GARNL3: variants seen among roughly 807,000 people sequenced by gnomAD.
The protein encoded by GARNL3 is GTPase activating Rap/RanGAP domain like 3, also known as GTPase-activating Rap/Ran-GAP domain-like protein 3.
GARNL3 carries 63 observed loss-of-function variants against 125.0 expected under a neutral mutation model. That is an observed-to-expected ratio of 0.50 (90% CI 0.41 to 0.62). The LOEUF (loss-of-function observed/expected upper bound fraction) is 0.62. Ranked by LOEUF, GARNL3 falls within the 20% of genes least tolerant of loss-of-function variation. The probability of loss-of-function intolerance (pLI) is 0.00; values close to 1 mark genes in which losing one functional copy is unlikely to be tolerated. For synonymous variants in GARNL3, 439 were observed against 457.5 expected (o/e 0.96, Z 0.52); for missense variants, 994 against 1,244.0 (o/e 0.80, Z 3.02).
At chr9:127,347,862 G>C (rs989430996) in intron 16 of GARNL3, among the ~76,000 whole-genome samples, 1 of 152,066 alleles carries the variant, frequency 6.6e-6, no homozygotes, top group Non-Finnish European at 1.5e-5. Flanking sequence ...TTAGCAATTG[G>C]AATATTCTTT....
Position 127,330,905 on chromosome 9 carries a change from G to A in GARNL3, c.595-1369G>A, listed in dbSNP as rs541291359. ...GTGTGTTGGGGACAGAAAAATGTTCGGATGCACAGCCTTAGAACTTGGATT... is the reference window on the plus strand; with the variant it reads ...GTGTGTTGGGGACAGAAAAATGTTCAGATGCACAGCCTTAGAACTTGGATT... On this transcript the variant is annotated intron_variant, in intron 7 of 27. Coordinates refer to ENST00000373387, the MANE Select transcript of GARNL3 (RefSeq NM_032293.5). Among the ~76,000 whole-genome samples, 9 of 152,184 alleles carry A rather than the reference G, an allele frequency of 5.9e-5. No homozygotes were observed. The South Asian group carries it at 6.2e-4, about 11-fold the overall frequency.
chr9:127,336,185 G>C lies in GARNL3; in HGVS notation c.931G>C (p.Glu311Gln), dbSNP rs1272433905. The C allele has an allele frequency of 1.2e-6, 2 of 1,613,978 alleles. No homozygotes were observed. Among genetic ancestry groups the C allele is most frequent in the African/African-American group, 1.3e-5 (1 of 74,908 alleles). Reference sequence around the variant, plus strand: ...CGTCACCATTGTGTTCCAAGAAGGAGAGGAATCTTCTCCTGCCTTTAAGCC... The same window carrying C: ...CGTCACCATTGTGTTCCAAGAAGGACAGGAATCTTCTCCTGCCTTTAAGCC... ...DIVTIVFQEG[E>Q]ESSPAFKPSM... The change falls in exon 11 of 28, where the codon GAG becomes CAG. Residue 311 changes from glutamate to glutamine, a missense_variant. Physicochemically the swap from Glu to Gln is conservative, Grantham distance 29. Transcript: ENST00000373387.
At chr9:127,359,831 T>C (rs1830889237) in intron 21 of GARNL3, among the ~76,000 whole-genome samples, 2 of 152,216 alleles carry the variant, frequency 1.3e-5, no homozygotes, top group Non-Finnish European at 2.9e-5. Flanking sequence ...TAATTCATTA[T>C]AGGATTTCTT....
chr9:127,297,975 C>T (rs2064655995), intron 2 of GARNL3, among the ~76,000 whole-genome samples: 1 of 152,130 alleles, frequency 6.6e-6, no homozygotes, highest in African/African-American at 2.4e-5. Flanking sequence ...TTGCTATTTC[C>T]CAAACTATCT....
At chr9:127,324,925 C>T in intron 6 of GARNL3, 144 bp from the exon 7 acceptor site, 1 of 786,138 alleles carries the variant, frequency 1.3e-6, no homozygotes, top group Non-Finnish European at 2.1e-6. Context: ...GGTTTTTTTC[C>T]CCCAAACAAA....
Position 127,391,533 on chromosome 9 carries a change from A to AAAAAAAAAAAAAAAAAAAAATATATAT in GARNL3, c.2870+767_2870+768insAAAAAAAAAAAAAAAAAAATATATATA. ...GCAAGACCCATCTCTACAAAAAAAA[A>AAAAAAAAAAAAAAAAAAAAATATATAT]ATATATATATATATATATAGGCTGG... is the stretch of plus-strand genomic sequence containing the variant. On this transcript the variant is annotated intron_variant, in intron 27 of 27. Transcript: ENST00000373387. Among the ~76,000 whole-genome samples, 600 of 74,994 alleles carry AAAAAAAAAAAAAAAAAAAAATATATAT rather than the reference A, an allele frequency of 8.0e-3. 8 individuals carry two copies. The highest frequency in any genetic ancestry group is 0.033 in the East Asian group (81 of 2,430). The allele number at this position is 74,994 out of a possible 152,430, so 49.2% of individuals were successfully genotyped here.
upstream of GARNL3, among the ~76,000 whole-genome samples, chr9:127,260,292 A>G (rs1475532894): frequency 6.6e-6 from 1 of 152,220 alleles, no homozygotes; most frequent in Non-Finnish European, 1.5e-5. Context: ...TGGAAAAGGA[A>G]TATGTTTCAA....
At chr9:127,293,899 C>T (rs1231898080) in intron 2 of GARNL3, among the ~76,000 whole-genome samples, 1 of 152,166 alleles carries the variant, frequency 6.6e-6, no homozygotes, top group Non-Finnish European at 1.5e-5. Flanking sequence ...TACCAAAGTG[C>T]TGCAGATTAC....
At chr9:127,250,085 G>C (rs2063373816) in intron 2 of GARNL3, among the ~76,000 whole-genome samples, 1 of 152,198 alleles carries the variant, frequency 6.6e-6, no homozygotes, top group Admixed American at 6.5e-5. Flanking sequence ...AAAGAACAAG[G>C]AGTGGGATTG....
At chr9:127,355,495 T>C in intron 20 of GARNL3, 23 bp downstream of exon 20, 1 of 1,609,316 alleles carries the variant, frequency 6.2e-7, no homozygotes, top group Non-Finnish European at 8.5e-7. Context: ...TTTAAATCAT[T>C]TATCTCCCAA....
chr9:127,243,047 T>G lies in GARNL3; in HGVS notation c.-28-32T>G, dbSNP rs926720387. On this transcript the variant is annotated intron_variant, in intron 1 of 10. Coordinates refer to the GARNL3 transcript ENST00000439286. ...GATTGGCCTGCCGTTCTTCTCTGTC[T>G]CTTAGTGCCTTTCCCAACTCTTCTG... The G allele has an allele frequency of 1.1e-5, 14 of 1,327,176 alleles. No homozygotes were observed. In the African/African-American group the frequency reaches 1.6e-4, roughly 16 times the overall value. 82.2% of individuals were successfully genotyped at this position (1,327,176 alleles called of 1,614,324 possible). A position where few individuals can be genotyped will look rare whatever the true frequency, so the allele number is the denominator to read the frequency against.
intron 1 of GARNL3, among the ~76,000 whole-genome samples, chr9:127,269,815 A>G (rs73599259): frequency 8.5e-6 from 1 of 117,842 alleles, no homozygotes; most frequent in Non-Finnish European, 1.8e-5. Context: ...GTCAAGTTGT[A>G]GGAGTTCTTT....
chr9:127,375,964 TTTTG>T (rs1485377013), intron 22 of GARNL3, among the ~76,000 whole-genome samples: 4 of 152,108 alleles, frequency 2.6e-5, no homozygotes, highest in Admixed American at 6.5e-5. Context: ...TGACATCTTT[TTTTG>T]TTTGTTTGTG....
intron 2 of GARNL3, among the ~76,000 whole-genome samples, chr9:127,310,836 T>C (rs895874210): frequency 5.9e-5 from 9 of 151,642 alleles, no homozygotes; most frequent in Non-Finnish European, 1.2e-4. Flanking sequence ...GTTGACAGTA[T>C]AGGGAAGATG....
At chr9:127,246,931 C>CTTTTTTTT (rs35410163) in intron 2 of GARNL3, among the ~76,000 whole-genome samples, 2 of 99,266 alleles carry the variant, frequency 2.0e-5, no homozygotes, top group African/African-American at 3.8e-5. Context: ...GACCTTCCTT[C>CTTTTTTTT]TTTTTTTTTT....
chr9:127,376,562 T>C (rs936591024), intron 22 of GARNL3, among the ~76,000 whole-genome samples: 3 of 151,940 alleles, frequency 2.0e-5, no homozygotes, highest in African/African-American at 7.3e-5. Context: ...ATGCATCTTA[T>C]AATTATAGTG....
chr9:127,310,134 C>T (rs1588826504), intron 2 of GARNL3, among the ~76,000 whole-genome samples: 2 of 151,950 alleles, frequency 1.3e-5, no homozygotes, highest in African/African-American at 2.4e-5. Flanking sequence ...TCAGAGCATA[C>T]ATCAAAATAA....
chr9:127,313,622 G>A, intron 4 of GARNL3, 63 bp downstream of exon 4: 1 of 1,069,758 alleles, frequency 9.3e-7, no homozygotes, highest in Non-Finnish European at 1.5e-6. Flanking sequence ...TAACCCCTGT[G>A]CTGTGGAACT....
chr9:127,354,480 G>A, intron 19 of GARNL3, 70 bp downstream of exon 19: 3 of 888,390 alleles, frequency 3.4e-6, no homozygotes, highest in Non-Finnish European at 5.4e-6. Context: ...AGGTTTTACT[G>A]AAAATAAAAA....
Sources: allele counts gnomAD v4.1 joint callset (sites outside exome capture counted in the v4.1 genomes callset), GRCh38; gene constraint gnomAD v4.1.1; transcripts MANE v1.5; gene names NCBI Gene and HGNC (gene_info 2026-07-23, HGNC 2026-07-21).